Variants in MLIP observed in about 807,000 individuals in gnomAD.
MLIP encodes the protein muscular LMNA interacting protein.
Under a neutral mutation model 84.8 loss-of-function variants are expected in MLIP, and 79 were observed. The ratio of observed to expected loss-of-function variants is 0.93; its 90% CI spans 0.78 to 1.12. The LOEUF is 1.12. MLIP is among the 50% of genes most tolerant of loss of function. The pLI is 0.00. For synonymous variants in MLIP, 504 were observed against 463.0 expected, an observed-to-expected ratio of 1.09 and a Z score of -1.14; for missense variants, 1,257 against 1,160.6, an observed-to-expected ratio of 1.08 and a Z score of -1.21.
intron 1 of MLIP, among the ~76,000 whole-genome samples, chr6:54,082,998 A>G (rs2150360054): frequency 6.6e-6 from 1 of 152,196 alleles, no homozygotes; most frequent in South Asian, 2.1e-4. Context: ...TTTTTCTCAT[A>G]AGATTATAAG....
chr6:54,186,320 T>C (rs751984622), intron 9 of MLIP, among the ~76,000 whole-genome samples: 3 of 152,214 alleles, frequency 2.0e-5, no homozygotes, highest in Non-Finnish European at 4.4e-5. Context: ...TTATAATTAT[T>C]CATCTGTATG....
At chr6:54,119,388 C>CAA (rs1770237655) in intron 1 of MLIP, among the ~76,000 whole-genome samples, 1 of 152,142 alleles carries the variant, frequency 6.6e-6, no homozygotes, top group South Asian at 2.1e-4. Flanking sequence ...TCATTTGCAA[C>CAA]AGCACAGATG....
At position 54,137,036 on chromosome 6, in the gene MLIP, A is replaced by T. The variant is rs1010298590; in HGVS notation, c.967A>T (p.Thr323Ser). The change falls in exon 4 of 14, where the codon ACC becomes TCC. Residue 323 changes from threonine to serine, a missense_variant. Thr to Ser is a moderately conservative substitution (Grantham distance 58, BLOSUM62 1). Transcript: ENST00000502396. ...TGCAGCAGATCCAAAGCCTGGACTG[A>T]CCTCTGAAGTTCTCAAGAAGACAAC... ...STAADPKPGL[T>S]SEVLKKTTLT... 77 of 1,535,838 alleles carry T rather than the reference A, an allele frequency of 5.0e-5. No homozygotes were observed. The highest frequency in any genetic ancestry group is 5.6e-5 in the Non-Finnish European group (64 of 1,146,860).
chr6:54,026,021 G>T (rs1763781811), intron 1 of MLIP, among the ~76,000 whole-genome samples: 2 of 152,162 alleles, frequency 1.3e-5, no homozygotes, highest in Non-Finnish European at 2.9e-5. Context: ...GGGTGGTAGA[G>T]ACCAAAATTT....
intron 1 of MLIP, among the ~76,000 whole-genome samples, chr6:54,049,000 A>C (rs1464774330): frequency 6.6e-6 from 1 of 152,202 alleles, no homozygotes. Context: ...GTCCTGGGTC[A>C]TCTGGCTACT....
chr6:54,263,995 T>C (rs943386876), intron 13 of MLIP, among the ~76,000 whole-genome samples: 6 of 152,060 alleles, frequency 3.9e-5, no homozygotes, highest in African/African-American at 1.4e-4. Context: ...ATAAACCCAG[T>C]AAAAACTTCA....
intron 11 of MLIP, chr6:54,216,751 C>G (rs1416877300): frequency 1.0e-6 from 1 of 985,254 alleles, no homozygotes; most frequent in African/African-American, 1.7e-5. Flanking sequence ...CATATGGATT[C>G]TCCAAAATTT....
chr6:54,254,288 A>T (rs1370056466), intron 12 of MLIP, among the ~76,000 whole-genome samples: 5 of 151,468 alleles, frequency 3.3e-5, no homozygotes, highest in African/African-American at 9.7e-5. Flanking sequence ...CACCATGCCC[A>T]GCTAATTTTT....
chr6:54,033,647 T>C (rs1764266670), intron 1 of MLIP, among the ~76,000 whole-genome samples: 1 of 152,054 alleles, frequency 6.6e-6, no homozygotes. Context: ...AATCCAGGTC[T>C]ACTCTCCTAA....
At chr6:54,045,333 T>C (rs1247170322) in intron 1 of MLIP, 1 of 100,772 alleles carries the variant, frequency 9.9e-6, no homozygotes, top group African/African-American at 3.9e-5. Flanking sequence ...GGCGGCAGAG[T>C]GAGACTCCTT....
intron 10 of MLIP, among the ~76,000 whole-genome samples, chr6:54,196,533 T>C (rs1463000279): frequency 6.6e-6 from 1 of 152,080 alleles, no homozygotes; most frequent in African/African-American, 2.4e-5. Flanking sequence ...TTTTATGGCT[T>C]CATAGTATTC....
intron 1 of MLIP, among the ~76,000 whole-genome samples, chr6:54,077,888 G>T (rs1766899102): frequency 6.6e-6 from 1 of 152,152 alleles, no homozygotes; most frequent in Non-Finnish European, 1.5e-5. Context: ...TATTATTGAG[G>T]ATTATGGAGC....
chr6:54,167,012 C>T (rs1465250734), intron 8 of MLIP, among the ~76,000 whole-genome samples: 3 of 151,924 alleles, frequency 2.0e-5, no homozygotes, highest in Non-Finnish European at 4.4e-5. Flanking sequence ...ATCTCTTCTG[C>T]TAGAAATCCT....
intron 1 of MLIP, among the ~76,000 whole-genome samples, chr6:54,031,134 A>G (rs959195882): frequency 2.0e-5 from 3 of 152,200 alleles, no homozygotes; most frequent in African/African-American, 7.2e-5. Flanking sequence ...CTAGAATCTT[A>G]ACAACCCAAA....
In MLIP at chr6:54,137,698, T is replaced by C. The variant is rs1771938627; in HGVS notation, c.1629T>C (p.Ser543=). The change falls in exon 4 of 14, where the codon AGT becomes AGC. Residue 543 remains serine (S), a synonymous_variant. Transcript: ENST00000502396. ...CCATGCTCTCCCTGCTACAAACCAGTACATCCAGTTCTGTGGGTCTTCCTC... is the reference window on the plus strand; with the variant it reads ...CCATGCTCTCCCTGCTACAAACCAGCACATCCAGTTCTGTGGGTCTTCCTC... The part of the protein sequence containing the change: ...SNTMLSLLQT[S]TSSSVGLPPV... 4.6e-6 allele frequency: 7 copies of C among 1,536,084 alleles called. No individual in the cohort carries two copies. Among genetic ancestry groups the C allele is most frequent in the Non-Finnish European group, 6.1e-6 (7 of 1,146,886 alleles).
At chr6:54,224,996 G>A (rs1018517286) in intron 11 of MLIP, among the ~76,000 whole-genome samples, 1 of 152,150 alleles carries the variant, frequency 6.6e-6, no homozygotes, top group Non-Finnish European at 1.5e-5. Context: ...ATTGATTGAT[G>A]GGCATTTGGG....
chr6:54,179,318 G>A (rs918592535), intron 9 of MLIP, among the ~76,000 whole-genome samples: 5 of 152,016 alleles, frequency 3.3e-5, no homozygotes, highest in Admixed American at 6.6e-5. Flanking sequence ...TTTCCTGTAG[G>A]CAACAGGTGA....
At chr6:54,210,913 AG>A (rs1429695019) in intron 11 of MLIP, among the ~76,000 whole-genome samples, 1 of 152,162 alleles carries the variant, frequency 6.6e-6, no homozygotes, top group Non-Finnish European at 1.5e-5. Context: ...ACAGCTTACC[AG>A]GAGCTGACTT....
intron 1 of MLIP, among the ~76,000 whole-genome samples, chr6:54,084,401 T>A (rs182649037): frequency 6.6e-6 from 1 of 152,272 alleles, no homozygotes; most frequent in Admixed American, 6.5e-5. Context: ...GATGGAATAA[T>A]AAATGGGTAC....
Sources: gnomAD v4.1 joint callset for allele counts (sites outside exome capture counted in the v4.1 genomes callset) on GRCh38, gnomAD v4.1.1 for gene constraint, MANE v1.5 for transcripts, NCBI Gene and HGNC (gene_info 2026-07-23, HGNC 2026-07-21) for gene names.